Variants in APPL2 observed in about 807,000 individuals in gnomAD.
The protein encoded by APPL2 is DCC-interacting protein 13-beta.
In APPL2, 84 loss-of-function variants were observed where a neutral mutation model predicts 92.7. The observed-to-expected ratio is 0.91, with a 90% CI of 0.76 to 1.09. APPL2 has a LOEUF of 1.09. Ranked by LOEUF, APPL2 falls within the 50% of genes least tolerant of loss-of-function variation. The pLI is 0.00. For synonymous variants in APPL2, 291 were observed against 291.0 expected (o/e 1.00, Z 0.00); for missense variants, 736 against 824.5 (o/e 0.89, Z 1.31).
chr12:105,180,459 G>C (rs1461056829), intron 17 of APPL2, among the ~76,000 whole-genome samples: 1 of 152,176 alleles, frequency 6.6e-6, no homozygotes, highest in Non-Finnish European at 1.5e-5. Flanking sequence ...GGCTATGCGG[G>C]CTCTTTTTTG....
chr12:105,209,593 T>C (rs1017931161), intron 5 of APPL2, among the ~76,000 whole-genome samples: 1 of 152,132 alleles, frequency 6.6e-6, no homozygotes, highest in Admixed American at 6.5e-5. Flanking sequence ...TCAAACAGAC[T>C]TGGAGTTTGT....
At chr12:105,196,460 G>A (rs1887663729) in intron 11 of APPL2, among the ~76,000 whole-genome samples, 1 of 72,838 alleles carries the variant, frequency 1.4e-5, no homozygotes, top group South Asian at 4.7e-4. Context: ...TTTTGATGGA[G>A]TTTTGCTCTT....
At chr12:105,176,189 C>T (rs566654043) in intron 19 of APPL2, 107 bp from the exon 20 acceptor site, 33 of 972,258 alleles carry the variant, frequency 3.4e-5, no homozygotes, top group Admixed American at 5.3e-5. Flanking sequence ...ACTGTTCCCA[C>T]TTGGGAACAC....
intron 20 of APPL2, among the ~76,000 whole-genome samples, chr12:105,175,102 T>G (rs572985660): frequency 6.5e-4 from 99 of 152,302 alleles, no homozygotes; most frequent in South Asian, 2.1e-3. Flanking sequence ...CAGGCTGGTC[T>G]TGAACTCCTG....
chr12:105,178,628 C>G (rs1028329579), intron 17 of APPL2, among the ~76,000 whole-genome samples: 4 of 152,134 alleles, frequency 2.6e-5, no homozygotes, highest in Admixed American at 2.6e-4. Context: ...TCAGAGAACT[C>G]GAGATTGAGT....
rs74220949 is a variant in APPL2, at chr12:105,192,003, C to G, written c.1242-1848G>C. Among the ~76,000 whole-genome samples, 431 of 152,236 alleles carry G rather than the reference C, an allele frequency of 2.8e-3. 18 individuals carry two copies. The East Asian group carries it at 0.072, about 25-fold the overall frequency. On this transcript the variant is annotated intron_variant, in intron 14 of 20. Transcript: ENST00000258530. ...CCAGACCAGACGTTTTCTTTGCACT[C>G]CAGACCTGTATCATCCGTTGACTGC... is the stretch of plus-strand genomic sequence containing the variant.
intron 16 of APPL2, 90 bp downstream of exon 16, chr12:105,189,682 G>A: frequency 7.4e-7 from 1 of 1,358,714 alleles, no homozygotes; most frequent in Non-Finnish European, 1.1e-6. Context: ...CCTAATCATA[G>A]CTCTCTAAAA....
At chr12:105,174,564 G>A in intron 20 of APPL2, 116 bp from the exon 21 acceptor site, 1 of 1,090,756 alleles carries the variant, frequency 9.2e-7, no homozygotes, top group South Asian at 2.0e-5. Flanking sequence ...TGACTCTTGT[G>A]TATATGTGCC....
chr12:105,197,944 C>T lies in APPL2; in HGVS notation c.873G>A (p.Gly291=), dbSNP rs1353199988. The T allele has an allele frequency of 6.2e-7, 1 of 1,613,698 alleles. No individual in the cohort carries two copies. Among genetic ancestry groups the T allele is most frequent in the Non-Finnish European group, 8.5e-7 (1 of 1,179,882 alleles). Residue 291 remains glycine, a synonymous_variant, in exon 11 of 21, where the codon GGG becomes GGA. Coordinates refer to ENST00000258530, the MANE Select transcript of APPL2 (RefSeq NM_018171.5). Reference sequence around the variant, plus strand: ...GCCTCTCCCAGGTGGTGGTGACCAGCCCTGTTTTGCTGTGAGTTGTGTTTT... The same window carrying T: ...GCCTCTCCCAGGTGGTGGTGACCAGTCCTGTTTTGCTGTGAGTTGTGTTTT... ...AGYLNLRNKT[G]LVTTTWERLY...
rs1480284909 is a variant in APPL2 at position 105,197,894 on chromosome 12, T to G, written c.923A>C (p.Asn308Thr). 9 of 1,614,120 alleles carry G rather than the reference T, an allele frequency of 5.6e-6. No homozygotes were observed. The highest frequency in any genetic ancestry group is 3.3e-5 in the Admixed American group (2 of 60,016). The change falls in exon 11 of 21, where the codon AAT (asparagine) becomes ACT (threonine). Residue 308 changes from asparagine (N) to threonine (T), a missense_variant. Asn to Thr is a moderately conservative substitution (Grantham distance 65). Coordinates refer to ENST00000258530, the MANE Select transcript of APPL2 (RefSeq NM_018171.5). Reference sequence around the variant, plus strand: ...GGCTCCCCTGGGCTGACACATGAGATTCCCGCCTTGGGTGAAGAAATAAAG... The same window carrying G: ...GGCTCCCCTGGGCTGACACATGAGAGTCCCGCCTTGGGTGAAGAAATAAAG... The part of the protein sequence containing the change: ...ERLYFFTQGG[N>T]LMCQPRGAVA...
intron 18 of APPL2, 24 bp downstream of exon 18, chr12:105,177,202 C>T (rs1289533538): frequency 2.5e-6 from 4 of 1,613,244 alleles, no homozygotes; most frequent in Admixed American, 1.7e-5. Flanking sequence ...TAATCACTAA[C>T]ATGAACCTGT....
At chr12:105,230,125 G>A (rs1890815052) in intron 1 of APPL2, among the ~76,000 whole-genome samples, 1 of 151,956 alleles carries the variant, frequency 6.6e-6, no homozygotes, top group Non-Finnish European at 1.5e-5. Context: ...CAAACTCACG[G>A]CCAAGAAATT....
intron 17 of APPL2, among the ~76,000 whole-genome samples, chr12:105,179,033 C>T (rs1158686186): frequency 6.6e-6 from 1 of 152,064 alleles, no homozygotes; most frequent in Admixed American, 6.6e-5. Flanking sequence ...ATGTGCAGAA[C>T]GTGCAGGTTT....
intron 17 of APPL2, among the ~76,000 whole-genome samples, chr12:105,184,779 C>T (rs569244852): frequency 5.9e-5 from 9 of 152,338 alleles, no homozygotes; most frequent in South Asian, 4.1e-4. Context: ...AGAGCTCAAG[C>T]GTTGTGCTGG....
chr12:105,201,288 C>G (rs901681210), intron 9 of APPL2, among the ~76,000 whole-genome samples: 1 of 152,124 alleles, frequency 6.6e-6, no homozygotes, highest in Non-Finnish European at 1.5e-5. Context: ...CCATTGGTGG[C>G]CTTAAGACAG....
intron 4 of APPL2, among the ~76,000 whole-genome samples, chr12:105,211,735 C>G (rs145133383): frequency 6.6e-6 from 1 of 152,184 alleles, no homozygotes; most frequent in Non-Finnish European, 1.5e-5. Flanking sequence ...TCCAGGGAGG[C>G]TGAAGCCACG....
At chr12:105,223,513 C>T (rs1262221377) in intron 2 of APPL2, among the ~76,000 whole-genome samples, 1 of 148,324 alleles carries the variant, frequency 6.7e-6, no homozygotes, top group Non-Finnish European at 1.5e-5. Flanking sequence ...AAGACAGTTT[C>T]GAGGGGGGTG....
At chr12:105,174,470 AGGG>A in intron 20 of APPL2, 22 bp from the exon 21 acceptor site, 2 of 1,604,040 alleles carry the variant, frequency 1.2e-6, no homozygotes, top group Non-Finnish European at 8.5e-7. Flanking sequence ...AGAGTTTAAA[AGGG>A]AAAAAAGAAA....
Position 105,203,727 on chromosome 12 carries a change from G to A in APPL2, c.680C>T (p.Ser227Phe). The A allele has an allele frequency of 6.2e-7, 1 of 1,614,222 alleles. No homozygotes were observed. The highest frequency in any genetic ancestry group is 1.1e-5 in the South Asian group (1 of 91,088). ...CCTTTGAACCATGTCTGCAACGGAG[G>A]ATAAAAAGCTGTCCATACGTTTGGA... is the stretch of plus-strand genomic sequence containing the variant. ...MFSKRMDSFL[S>F]SVADMVQSIQ... Residue 227 changes from serine to phenylalanine, a missense_variant, in exon 9 of 21, where the codon TCC (serine) becomes TTC (phenylalanine). Ser to Phe is a radical substitution (Grantham distance 155). Transcript: ENST00000258530.
Sources: gnomAD v4.1 joint callset for allele counts (sites outside exome capture counted in the v4.1 genomes callset) on GRCh38, gnomAD v4.1.1 for gene constraint, MANE v1.5 for transcripts, NCBI Gene and HGNC (gene_info 2026-07-23, HGNC 2026-07-21) for gene names.